Variants in SEC11A observed in about 807,000 individuals in gnomAD.
SEC11A encodes SEC11 homolog A, signal peptidase complex subunit, also known as signal peptidase complex catalytic subunit SEC11A.
In SEC11A, 14 loss-of-function variants were observed where a neutral mutation model predicts 25.6. The ratio of observed to expected loss-of-function variants is 0.55; its 90% CI spans 0.36 to 0.85. SEC11A has a LOEUF of 0.85. SEC11A is among the 40% of genes least tolerant of loss of function. SEC11A has a pLI of 0.01. For missense variants in SEC11A, 153 were observed against 222.9 expected, an observed-to-expected ratio of 0.69 and a Z score of 2.00; for synonymous variants, 83 against 76.4, an observed-to-expected ratio of 1.09 and a Z score of -0.45.
chr15:84,671,922 G>A (rs1314999353), intron 4 of SEC11A: 4 of 152,192 alleles, frequency 2.6e-5, no homozygotes, highest in African/African-American at 7.2e-5. Flanking sequence ...GGGTACCATC[G>A]ATGTGGGCGG....
At chr15:84,689,553 C>G (rs1187628774) in intron 2 of SEC11A, among the ~76,000 whole-genome samples, 2 of 151,084 alleles carry the variant, frequency 1.3e-5, no homozygotes, top group East Asian at 3.9e-4. Context: ...CAGAAAAGAT[C>G]TGGGCTTACA....
chr15:84,690,627 A>G lies in SEC11A; in HGVS notation c.161+908T>C, dbSNP rs539165772. Among the ~76,000 whole-genome samples the G allele has an allele frequency of 7.9e-5, 12 of 151,782 alleles. No individual in the cohort carries two copies. In the South Asian group the frequency reaches 2.1e-3, roughly 26 times the overall value. ...GCGAGACCCCATCTTTAAAAAAAAT[A>G]TTCACTAAGAGTATGAGTGCAAAGA... On this transcript the variant is annotated intron_variant, in intron 2 of 5. Coordinates refer to ENST00000268220, the MANE Select transcript of SEC11A (RefSeq NM_014300.4).
chr15:84,709,383 A>G (rs1264283734), intron 1 of SEC11A, among the ~76,000 whole-genome samples: 2 of 152,020 alleles, frequency 1.3e-5, no homozygotes, highest in Non-Finnish European at 2.9e-5. Context: ...TTTAAGGGAA[A>G]GCGTGCATAG....
At chr15:84,693,425 A>C (rs1259752878) in intron 1 of SEC11A, among the ~76,000 whole-genome samples, 1 of 149,234 alleles carries the variant, frequency 6.7e-6, no homozygotes, top group Non-Finnish European at 1.5e-5. Context: ...TTGAATATTA[A>C]ATGACATTAG....
intron 5 of SEC11A, 189 bp from the exon 6 acceptor site, chr15:84,670,258 CTTTTT>C (rs71132694): frequency 1.0e-4 from 29 of 291,176 alleles, no homozygotes; most frequent in Admixed American, 2.1e-4. Context: ...AAATAATTTT[CTTTTT>C]TTTTTTTTTT....
chr15:84,710,014 G>A (rs530984676), intron 1 of SEC11A, among the ~76,000 whole-genome samples: 6 of 152,152 alleles, frequency 3.9e-5, no homozygotes, highest in Admixed American at 1.3e-4. Context: ...CATTACAGGC[G>A]TGAGCCACTG....
chr15:84,713,188 C>T (rs554664743), intron 1 of SEC11A, among the ~76,000 whole-genome samples: 14 of 140,006 alleles, frequency 1.0e-4, no homozygotes, highest in Admixed American at 4.4e-4. Context: ...AGTGAGACTC[C>T]GTCTCAAAAA....
chr15:84,695,377 C>T lies in SEC11A; in HGVS notation c.52-3733G>A, dbSNP rs538561179. The stretch of plus-strand genomic sequence containing the variant: ...ACTCGGGAGGCTGAGGTGGGAGAAT[C>T]GCTTGAACCTGGGAGGCGGAGGTTG... On this transcript the variant is annotated intron_variant, in intron 1 of 5. Coordinates refer to ENST00000268220, the MANE Select transcript of SEC11A (RefSeq NM_014300.4). Among the ~76,000 whole-genome samples, 12 of 150,632 alleles carry T rather than the reference C, an allele frequency of 8.0e-5. No homozygotes were observed. The South Asian group carries it at 2.3e-3, about 29-fold the overall frequency.
rs776536261 is a variant in SEC11A at position 84,669,991 on chromosome 15, T to A, written c.*28A>T. On this transcript the variant is annotated 3_prime_UTR_variant, in exon 6 of 6. Coordinates refer to ENST00000268220, the MANE Select transcript of SEC11A (RefSeq NM_014300.4). The stretch of plus-strand genomic sequence containing the variant: ...ACATCCAGTAACGAAAACTATGGCA[T>A]CTTCCCAGGAACAGCAAGGCAGGCT... 1 of 1,613,610 alleles carries A rather than the reference T, an allele frequency of 6.2e-7. No homozygotes were observed. The highest frequency in any genetic ancestry group is 1.1e-5 in the South Asian group (1 of 90,930).
At chr15:84,698,417 TCTC>T (rs1440469199) in intron 1 of SEC11A, among the ~76,000 whole-genome samples, 7 of 152,100 alleles carry the variant, frequency 4.6e-5, no homozygotes, top group Admixed American at 2.0e-4. Flanking sequence ...TAATCACAAT[TCTC>T]CTGCTTTCTA....
At chr15:84,673,355 G>T (rs549734062) in intron 4 of SEC11A, 6 of 185,928 alleles carry the variant, frequency 3.2e-5, no homozygotes, top group African/African-American at 1.4e-4. Context: ...GATGGTTGCC[G>T]TGTCTGTGTA....
chr15:84,712,113 C>T (rs1389213146), intron 1 of SEC11A, among the ~76,000 whole-genome samples: 1 of 152,030 alleles, frequency 6.6e-6, no homozygotes, highest in Non-Finnish European at 1.5e-5. Context: ...TGGTGGCACA[C>T]ATCCATAGTC....
chr15:84,703,803 A>C (rs1898017844), intron 1 of SEC11A, among the ~76,000 whole-genome samples: 1 of 152,242 alleles, frequency 6.6e-6, no homozygotes, highest in African/African-American at 2.4e-5. Context: ...GGAGCACTCC[A>C]AATACGTATA....
At chr15:84,712,879 T>C (rs1898326875) in intron 1 of SEC11A, among the ~76,000 whole-genome samples, 1 of 152,198 alleles carries the variant, frequency 6.6e-6, no homozygotes, top group Admixed American at 6.6e-5. Context: ...ATACGTTCTA[T>C]ATCTTGATTG....
At position 84,716,051 on chromosome 15, in the gene SEC11A, C is replaced by A; in HGVS notation, c.25G>T (p.Asp9Tyr). ...TGCCGCTTGTTCATCCGCCGCACAT[C>A]GTCCAAAAAGTCTAGAGACAGCATG... MLSLDFLD[D>Y]VRRMNKRQLY... Residue 9 changes from aspartate (D) to tyrosine (Y), a missense_variant, in exon 1 of 6, where the codon GAT becomes TAT. Coordinates refer to ENST00000268220, the MANE Select transcript of SEC11A (RefSeq NM_014300.4). 6.2e-7 allele frequency: 1 copy of A among 1,613,802 alleles called. No homozygotes were observed. Among genetic ancestry groups the A allele is most frequent in the South Asian group, 1.1e-5 (1 of 91,036 alleles).
At chr15:84,706,288 T>C (rs1393815597) in intron 1 of SEC11A, among the ~76,000 whole-genome samples, 1 of 152,172 alleles carries the variant, frequency 6.6e-6, no homozygotes, top group Non-Finnish European at 1.5e-5. Context: ...ATGTTAAGAC[T>C]GCTACTTGGT....
intron 1 of SEC11A, among the ~76,000 whole-genome samples, chr15:84,708,567 A>T (rs1198918864): frequency 6.6e-6 from 1 of 152,154 alleles, no homozygotes; most frequent in Non-Finnish European, 1.5e-5. Flanking sequence ...AAAGTATCAA[A>T]GATACCTAGG....
chr15:84,681,240 G>A (rs1422539287), intron 3 of SEC11A, among the ~76,000 whole-genome samples: 6 of 152,114 alleles, frequency 3.9e-5, no homozygotes, highest in African/African-American at 1.2e-4. Flanking sequence ...GGATATAATT[G>A]GCAAGATACA....
chr15:84,710,544 G>C (rs1475649431), intron 1 of SEC11A, among the ~76,000 whole-genome samples: 2 of 152,172 alleles, frequency 1.3e-5, no homozygotes. Context: ...GGCTGTGGCA[G>C]GGGAATTGTG....
Sources: allele counts gnomAD v4.1 joint callset (sites outside exome capture counted in the v4.1 genomes callset), GRCh38; gene constraint gnomAD v4.1.1; transcripts MANE v1.5; gene names NCBI Gene and HGNC (gene_info 2026-07-23, HGNC 2026-07-21).